Variants in WDR49 observed in about 807,000 individuals in gnomAD.
The protein encoded by WDR49 is WD repeat domain 49.
A neutral mutation model predicts 119.5 loss-of-function variants in WDR49; 107 were observed. That is an observed-to-expected ratio of 0.90 (90% CI 0.77 to 1.05). The LOEUF is 1.05. Among genes scored for constraint, WDR49 ranks in the 50% least tolerant of loss-of-function variants. The probability of loss-of-function intolerance (pLI) is 0.00; values close to 1 mark genes in which losing one functional copy is unlikely to be tolerated. For synonymous variants in WDR49, 425 were observed against 418.8 expected, an observed-to-expected ratio of 1.01 and a Z score of -0.18; for missense variants, 1,240 against 1,220.5, an observed-to-expected ratio of 1.02 and a Z score of -0.24.
chr3:167,483,316 A>G (rs1020497580), intron 18 of WDR49, among the ~76,000 whole-genome samples: 1 of 152,320 alleles, frequency 6.6e-6, no homozygotes, highest in African/African-American at 2.4e-5. Flanking sequence ...AATATATTGT[A>G]AAAGCCAGAA....
chr3:167,626,783 G>A (rs1275278209), intron 3 of WDR49, 69 bp downstream of exon 3: 11 of 1,169,374 alleles, frequency 9.4e-6, no homozygotes, highest in African/African-American at 4.8e-5. Flanking sequence ...GTTACTGCTA[G>A]CCAGGAGCCC....
chr3:167,573,551 T>C (rs1008881254), intron 8 of WDR49, among the ~76,000 whole-genome samples: 4 of 152,056 alleles, frequency 2.6e-5, no homozygotes, highest in Non-Finnish European at 5.9e-5. Flanking sequence ...AATGCTGTTA[T>C]CACACAACAC....
At position 167,591,144 on chromosome 3, in the gene WDR49, T is replaced by G. The variant is rs571755918; in HGVS notation, c.1275+10983A>C. ...GTTTCAAGTAATTTTTCAATTTCCT[T>G]CTCAGTTTCTTTATTGACACACTGG... On this transcript the variant is annotated intron_variant, in intron 7 of 18. Transcript: ENST00000682715. 3.9e-5 allele frequency among the ~76,000 whole-genome samples: 6 copies of G among 152,252 alleles called. No homozygotes were observed. In the South Asian group the frequency reaches 1.2e-3, roughly 32 times the overall value.
intron 7 of WDR49, among the ~76,000 whole-genome samples, chr3:167,598,773 G>A (rs1341847340): frequency 6.6e-6 from 1 of 152,214 alleles, no homozygotes; most frequent in African/African-American, 2.4e-5. Flanking sequence ...ATTGAGTGTT[G>A]TGATATAGGT....
At chr3:167,585,086 C>G (rs756646024) in intron 7 of WDR49, among the ~76,000 whole-genome samples, 20 of 151,674 alleles carry the variant, frequency 1.3e-4, no homozygotes, top group Non-Finnish European at 2.9e-4. Flanking sequence ...AAATGCTTTC[C>G]TTAGATAAAT....
chr3:167,572,193 C>G (rs1713972771), intron 8 of WDR49, among the ~76,000 whole-genome samples: 1 of 152,156 alleles, frequency 6.6e-6, no homozygotes, highest in Admixed American at 6.5e-5. Flanking sequence ...CATCCAGTCC[C>G]AACTTGCTCT....
intron 5 of WDR49, among the ~76,000 whole-genome samples, chr3:167,604,805 A>T (rs1560309304): frequency 6.6e-6 from 1 of 152,130 alleles, no homozygotes; most frequent in Non-Finnish European, 1.5e-5. Flanking sequence ...TGCTGCTTCC[A>T]CTATGTGAGG....
intron 16 of WDR49, among the ~76,000 whole-genome samples, chr3:167,515,905 T>C (rs1577210262): frequency 6.6e-6 from 1 of 152,112 alleles, no homozygotes; most frequent in Non-Finnish European, 1.5e-5. Flanking sequence ...GAATAAAATA[T>C]CTAGGAATAC....
At chr3:167,522,258 T>C (rs977695624) in intron 16 of WDR49, 57 bp downstream of exon 16, 75 of 1,475,746 alleles carry the variant, frequency 5.1e-5, no homozygotes, top group Non-Finnish European at 6.7e-5. Context: ...GGACCAATCT[T>C]ATCTATGTCT....
At chr3:167,518,641 G>A (rs558185161) in intron 16 of WDR49, among the ~76,000 whole-genome samples, 2 of 151,336 alleles carry the variant, frequency 1.3e-5, no homozygotes, top group African/African-American at 2.4e-5. Flanking sequence ...TTAGCCCTTT[G>A]TCAGATGAGT....
intron 5 of WDR49, among the ~76,000 whole-genome samples, chr3:167,605,266 T>C (rs1165869536): frequency 6.6e-6 from 1 of 152,178 alleles, no homozygotes; most frequent in Non-Finnish European, 1.5e-5. Context: ...ATTTATTAAT[T>C]CAAGAGCTCA....
At chr3:167,567,711 A>G (rs1299928216) in intron 8 of WDR49, among the ~76,000 whole-genome samples, 2 of 152,156 alleles carry the variant, frequency 1.3e-5, no homozygotes, top group Non-Finnish European at 2.9e-5. Context: ...TAATTTAAAG[A>G]TGTCGTGTTT....
At chr3:167,656,611 T>C (rs1318014981), upstream of WDR49, among the ~76,000 whole-genome samples, 1 of 152,220 alleles carries the variant, frequency 6.6e-6, no homozygotes, top group Non-Finnish European at 1.5e-5. Flanking sequence ...AATGAGCAGC[T>C]AACAAATTAC....
intron 7 of WDR49, among the ~76,000 whole-genome samples, chr3:167,579,458 T>G (rs950685491): frequency 5.5e-4 from 83 of 152,242 alleles, no homozygotes; most frequent in African/African-American, 1.9e-3. Context: ...ACAGAAATAA[T>G]TATGCTTCTA....
chr3:167,632,517 CTA>C, intron 2 of WDR49, among the ~76,000 whole-genome samples: 1 of 152,036 alleles, frequency 6.6e-6, no homozygotes, highest in East Asian at 1.9e-4. Flanking sequence ...GAAAATGAAA[CTA>C]TGTTTTTGCC....
rs190144641 is a variant in WDR49, at chr3:167,562,920, A to G, written c.1510-2692T>C. Among the ~76,000 whole-genome samples the G allele has an allele frequency of 5.1e-4, 77 of 152,354 alleles. 1 individual carries two copies. The South Asian group carries it at 5.8e-3, about 11-fold the overall frequency. ...GTGCATGGCATAGCCATAAATCATA[A>G]AAGTTAGGTAGTGTTACTATTCCAT... On this transcript the variant is annotated intron_variant, in intron 8 of 18. Transcript: ENST00000682715.
intron 9 of WDR49, 125 bp from the exon 10 acceptor site, chr3:167,554,923 C>T: frequency 1.5e-6 from 1 of 648,804 alleles, no homozygotes; most frequent in Non-Finnish European, 2.5e-6. Context: ...AATTTTGCCA[C>T]TATATTACTC....
At chr3:167,567,862 T>C (rs1401284890) in intron 8 of WDR49, among the ~76,000 whole-genome samples, 1 of 152,224 alleles carries the variant, frequency 6.6e-6, no homozygotes, top group Non-Finnish European at 1.5e-5. Context: ...GGACAAAGTA[T>C]TGAAGGAACC....
At chr3:167,619,137 T>G (rs926022317) in intron 5 of WDR49, among the ~76,000 whole-genome samples, 5 of 152,190 alleles carry the variant, frequency 3.3e-5, no homozygotes, top group South Asian at 2.1e-4. Flanking sequence ...ACTCAAATAA[T>G]ACATTAACTT....
Sources: gnomAD v4.1 joint callset for allele counts (sites outside exome capture counted in the v4.1 genomes callset) on GRCh38, gnomAD v4.1.1 for gene constraint, MANE v1.5 for transcripts, NCBI Gene and HGNC (gene_info 2026-07-23, HGNC 2026-07-21) for gene names.